ZNF333: variants seen among roughly 807,000 people sequenced by gnomAD.
The protein encoded by ZNF333 is zinc finger protein 333.
In ZNF333, 61 loss-of-function variants were observed where a neutral mutation model predicts 76.1. The observed-to-expected ratio is 0.80, with a 90% CI of 0.65 to 0.99. The LOEUF (loss-of-function observed/expected upper bound fraction) is 0.99, where lower values mean the gene tolerates loss of function less well. Ranked by LOEUF, ZNF333 falls within the 50% of genes least tolerant of loss-of-function variation. The probability of loss-of-function intolerance (pLI) is 0.00; values close to 1 mark genes in which losing one functional copy is unlikely to be tolerated. For missense variants in ZNF333, 717 were observed against 822.4 expected (o/e 0.87, Z 1.57); for synonymous variants, 284 against 305.0 (o/e 0.93, Z 0.72).
chr19:14,713,403 A>T (rs1460931397), intron 7 of ZNF333, among the ~76,000 whole-genome samples: 1 of 151,968 alleles, frequency 6.6e-6, no homozygotes, highest in Non-Finnish European at 1.5e-5. Flanking sequence ...ATGGGCAGAA[A>T]GATTTGAGCC....
chr19:14,729,801 C>T (rs76250706), intron 11 of ZNF333, among the ~76,000 whole-genome samples: 7 of 152,248 alleles, frequency 4.6e-5, no homozygotes, highest in South Asian at 4.1e-4. Context: ...CTATATGAGA[C>T]GAGGCATACA....
At chr19:14,725,502 T>C (rs1230159789), downstream of ZNF333, among the ~76,000 whole-genome samples, 1 of 152,136 alleles carries the variant, frequency 6.6e-6, no homozygotes, top group Admixed American at 6.5e-5. Flanking sequence ...GTCAAAAGTC[T>C]CATCTGAAGA....
At chr19:14,709,147 C>G (rs1208690633) in intron 7 of ZNF333, 2 of 153,790 alleles carry the variant, frequency 1.3e-5, no homozygotes, top group Non-Finnish European at 2.9e-5. Flanking sequence ...GCCTGCTTCC[C>G]CTTTGCCTTC....
intron 9 of ZNF333, 92 bp downstream of exon 9, chr19:14,716,330 C>A: frequency 6.9e-7 from 1 of 1,439,636 alleles, no homozygotes; most frequent in Non-Finnish European, 9.3e-7. Context: ...GTGACCTTGG[C>A]TCACTGCAAC....
Position 14,716,195 on chromosome 19 carries a change from TAG to T in ZNF333, c.688_689del (p.Asp230CysfsTer14). Reference protein sequence around the residue: ...FLDSTQRSLYRDVMLENYRNL... With the variant: ...FLDSTQRSLYXDVMLENYRNL... ...TGGACTCTACTCAGAGGAGCCTGTA[TAG>T]AGATGTGATGCTGGAGAACTACAGG... On this transcript the variant is annotated frameshift_variant, in exon 9 of 12. Coordinates refer to ENST00000292530, the MANE Select transcript of ZNF333 (RefSeq NM_032433.4). LOFTEE classifies it high-confidence loss of function. The T allele has an allele frequency of 6.2e-7, 1 of 1,614,104 alleles. No homozygotes were observed. Among genetic ancestry groups the T allele is most frequent in the South Asian group, 1.1e-5 (1 of 91,080 alleles).
At position 14,719,916 on chromosome 19, in the gene ZNF333, T is replaced by C; in HGVS notation, c.*591T>C. ...GCTTCCATCTCCCGGCTGGGCACGG[T>C]GGCTCATGCCTCTAATCCCAGCACT... On this transcript the variant is annotated 3_prime_UTR_variant, in exon 12 of 12. Coordinates refer to ENST00000292530, the MANE Select transcript of ZNF333 (RefSeq NM_032433.4). The C allele has an allele frequency of 1.0e-6, 1 of 985,450 alleles. No homozygotes were observed. Among genetic ancestry groups the C allele is most frequent in the Non-Finnish European group, 1.2e-6 (1 of 830,094 alleles). 61.0% of individuals were successfully genotyped at this position (985,450 alleles called of 1,614,324 possible). A position where few individuals can be genotyped will look rare whatever the true frequency, so the allele number is the denominator to read the frequency against.
Position 14,718,806 on chromosome 19 carries a change from G to A in ZNF333, c.1479G>A (p.Leu493=), listed in dbSNP as rs1170046305. ...AAGCCTTCAGGGAACACTCTTCACT[G>A]AAGACACATCTGCGAACCCATACCA... ...CGKAFREHSS[L]KTHLRTHTRE... is the part of the protein sequence containing the mutation. Residue 493 remains leucine (L), a synonymous_variant, in exon 12 of 12, where the codon CTG becomes CTA. Transcript: ENST00000292530. 3 of 1,613,182 alleles carry A rather than the reference G, an allele frequency of 1.9e-6. No individual in the cohort carries two copies. The highest frequency in any genetic ancestry group is 2.5e-6 in the Non-Finnish European group (3 of 1,179,866).
rs1972634624 is a variant in ZNF333, at chr19:14,690,106, G to GCGGTGCGGCA, written c.-82_-73dup. The GCGGTGCGGCA allele has an allele frequency of 1.3e-5, 2 of 148,768 alleles. No homozygotes were observed. The highest frequency in any genetic ancestry group is 3.0e-5 in the Non-Finnish European group (2 of 67,622). The allele number at this position is 148,768 out of a possible 1,614,324, so 9.2% of individuals were successfully genotyped here. ...GCTGAGCTGTGCTGCGCGGCGCGGC[G>GCGGTGCGGCA]CGGTGCGGCACGGCACGGTGGGAGT... On this transcript the variant is annotated 5_prime_UTR_variant, in exon 1 of 12. Transcript: ENST00000292530.
At chr19:14,723,482 C>T (rs1305445024), downstream of ZNF333, among the ~76,000 whole-genome samples, 5 of 152,154 alleles carry the variant, frequency 3.3e-5, no homozygotes, top group East Asian at 3.8e-4. Flanking sequence ...TCATTCAGCC[C>T]GTGAACATAG....
rs1345447182 is a variant in ZNF333 at position 14,721,377 on chromosome 19, G to T, written c.*2052G>T. 1 of 116,548 alleles carries T rather than the reference G, an allele frequency of 8.6e-6. No homozygotes were observed. The allele number at this position is 116,548 out of a possible 1,614,324, so 7.2% of individuals were successfully genotyped here. On this transcript the variant is annotated 3_prime_UTR_variant, in exon 12 of 12. Coordinates refer to ENST00000292530, the MANE Select transcript of ZNF333 (RefSeq NM_032433.4). Reference sequence around the variant, plus strand: ...CTTAGGGTACACCTTGGTGAATTTTGTATATGTCTATACCCACCACGGTCT... The same window carrying T: ...CTTAGGGTACACCTTGGTGAATTTTTTATATGTCTATACCCACCACGGTCT...
At chr19:14,716,543 G>A (rs1381241813) in intron 9 of ZNF333, among the ~76,000 whole-genome samples, 7 of 152,190 alleles carry the variant, frequency 4.6e-5, no homozygotes, top group Non-Finnish European at 8.8e-5. Context: ...GCAGACATGA[G>A]CCACTGTGCC....
chr19:14,712,479 C>T (rs930452212), intron 7 of ZNF333, among the ~76,000 whole-genome samples: 7 of 152,118 alleles, frequency 4.6e-5, no homozygotes, highest in Non-Finnish European at 7.4e-5. Context: ...CCTCTGCCTC[C>T]CAAAGTGCTG....
chr19:14,704,967 C>T, intron 5 of ZNF333, 87 bp from the exon 6 acceptor site: 1 of 1,329,696 alleles, frequency 7.5e-7, no homozygotes, highest in Non-Finnish European at 1.1e-6. Context: ...TTCTGGCAGC[C>T]CTAAGCCCCA....
chr19:14,711,526 G>A (rs2042275149), intron 7 of ZNF333, among the ~76,000 whole-genome samples: 1 of 152,106 alleles, frequency 6.6e-6, no homozygotes, highest in Admixed American at 6.6e-5. Flanking sequence ...AAATTAGCCA[G>A]GCATGGTTGT....
chr19:14,709,219 C>T (rs2042206615), intron 7 of ZNF333: 1 of 152,302 alleles, frequency 6.6e-6, no homozygotes, highest in South Asian at 2.1e-4. Context: ...CCTGTGGAAC[C>T]AGGAGCCAAT....
At chr19:14,702,425 C>T (rs554311440) in intron 5 of ZNF333, among the ~76,000 whole-genome samples, 23 of 152,240 alleles carry the variant, frequency 1.5e-4, no homozygotes, top group African/African-American at 3.6e-4. Flanking sequence ...GAGGCTAAGG[C>T]GAGAAAATTG....
chr19:14,719,808 T>C lies in ZNF333; in HGVS notation c.*483T>C, dbSNP rs769990630. On this transcript the variant is annotated 3_prime_UTR_variant, in exon 12 of 12. Coordinates refer to ENST00000292530, the MANE Select transcript of ZNF333 (RefSeq NM_032433.4). Reference sequence around the variant, plus strand: ...TTAGGTCTGGTGTGGCTTATTCTTCTAGCTGCCAACCCAAATTACCCCTTC... The same window carrying C: ...TTAGGTCTGGTGTGGCTTATTCTTCCAGCTGCCAACCCAAATTACCCCTTC... 2.0e-6 allele frequency: 2 copies of C among 986,952 alleles called. No individual in the cohort carries two copies. Among genetic ancestry groups the C allele is most frequent in the Non-Finnish European group, 2.4e-6 (2 of 831,100 alleles). The allele number at this position is 986,952 out of a possible 1,614,324, so 61.1% of individuals were successfully genotyped here.
downstream of ZNF333, chr19:14,721,981 G>C (rs569906958): frequency 3.5e-4 from 54 of 152,280 alleles, no homozygotes; most frequent in African/African-American, 1.3e-3. Context: ...CCTATCTTTA[G>C]CTTTAGTAGA....
At chr19:14,715,536 T>A in intron 8 of ZNF333, 66 bp downstream of exon 8, 1 of 1,472,006 alleles carries the variant, frequency 6.8e-7, no homozygotes, top group Non-Finnish European at 9.4e-7. Flanking sequence ...ACCTTCTTCC[T>A]GTGACCTGTC....
Sources: gnomAD v4.1 joint callset for allele counts (sites outside exome capture counted in the v4.1 genomes callset) on GRCh38, gnomAD v4.1.1 for gene constraint, MANE v1.5 for transcripts, NCBI Gene and HGNC (gene_info 2026-07-23, HGNC 2026-07-21) for gene names.